Variants in RTN3 observed in about 807,000 individuals in gnomAD.
The protein encoded by RTN3 is reticulon 3.
In RTN3, 49 loss-of-function variants were observed where a neutral mutation model predicts 77.8. That is an observed-to-expected ratio of 0.63 (90% CI 0.50 to 0.80). The LOEUF (loss-of-function observed/expected upper bound fraction) is 0.80, where lower values mean the gene tolerates loss of function less well. Among genes scored for constraint, RTN3 ranks in the 30% least tolerant of loss-of-function variants. The pLI, the probability that RTN3 is intolerant of heterozygous loss-of-function variation, is 0.00. For missense variants in RTN3, 1,236 were observed against 1,211.9 expected, an observed-to-expected ratio of 1.02 and a Z score of -0.29; for synonymous variants, 464 against 446.9, an observed-to-expected ratio of 1.04 and a Z score of -0.48.
At chr11:63,703,104 T>A (rs896378298) in intron 1 of RTN3, among the ~76,000 whole-genome samples, 6 of 152,018 alleles carry the variant, frequency 3.9e-5, no homozygotes, top group Non-Finnish European at 7.4e-5. Flanking sequence ...AATATTTTTT[T>A]AAAAAACAAC....
intron 3 of RTN3, among the ~76,000 whole-genome samples, chr11:63,734,602 C>T (rs1454022932): frequency 6.6e-6 from 1 of 151,642 alleles, no homozygotes; most frequent in Non-Finnish European, 1.5e-5. Flanking sequence ...CATGGTGGCA[C>T]ACACCTGTAA....
rs531469190 is a variant in RTN3 at position 63,685,419 on chromosome 11, C to A, written c.142+3641C>A. Among the ~76,000 whole-genome samples the A allele has an allele frequency of 1.1e-4, 16 of 144,938 alleles. No homozygotes were observed. In the South Asian group the frequency reaches 3.6e-3, roughly 33 times the overall value. On this transcript the variant is annotated intron_variant, in intron 1 of 8. Coordinates refer to ENST00000377819, the MANE Select transcript of RTN3 (RefSeq NM_001265589.2). ...GCTGAGACAGGAAAATCACTTGAAC[C>A]CAGGAGGCGGGAGTTGCAGTGAGCT...
chr11:63,685,510 G>T (rs1189923116), intron 1 of RTN3, among the ~76,000 whole-genome samples: 7 of 69,518 alleles, frequency 1.0e-4, no homozygotes, highest in South Asian at 5.3e-4. Flanking sequence ...AAAAAAAAAA[G>T]TTACTGCAAT....
intron 1 of RTN3, among the ~76,000 whole-genome samples, chr11:63,701,695 G>A (rs180989135): frequency 3.3e-5 from 5 of 152,098 alleles, no homozygotes; most frequent in African/African-American, 4.8e-5. Flanking sequence ...GCTTGTAATC[G>A]CAGCACTTTG....
At position 63,752,504 on chromosome 11, in the gene RTN3, A is replaced by G; in HGVS notation, c.2739-3A>G. ...GTATGACTGTTATTTCTTCTTCTGG[A>G]AGAGCCTACCTGGACGTAGACATTA... On this transcript the variant is annotated splice_polypyrimidine_tract_variant and splice_region_variant and intron_variant, in intron 4 of 8. Coordinates refer to ENST00000377819, the MANE Select transcript of RTN3 (RefSeq NM_001265589.2). The G allele has an allele frequency of 6.2e-7, 1 of 1,611,782 alleles. No homozygotes were observed. Among genetic ancestry groups the G allele is most frequent in the Non-Finnish European group, 8.5e-7 (1 of 1,178,332 alleles).
rs518453 is a variant in RTN3 at position 63,707,087 on chromosome 11, C to T, written c.199+2180C>T. 6.6e-3 allele frequency among the ~76,000 whole-genome samples: 1,009 copies of T among 151,942 alleles called. 11 individuals carry two copies. Among genetic ancestry groups the T allele is most frequent in the African/African-American group, 0.023 (954 of 41,466 alleles). On this transcript the variant is annotated intron_variant, in intron 2 of 8. Coordinates refer to ENST00000377819, the MANE Select transcript of RTN3 (RefSeq NM_001265589.2). ...CTAATTTTTGCATTTTTAGTAGAAA[C>T]GGGGTTTCACCATGTTGACCAGGCT...
rs2014554117 is a variant in RTN3, at chr11:63,759,433, A to G, written c.*1232A>G. The G allele has an allele frequency of 6.6e-6, 1 of 152,622 alleles. No homozygotes were observed. Among genetic ancestry groups the G allele is most frequent in the Admixed American group, 6.5e-5 (1 of 15,280 alleles). The allele number at this position is 152,622 out of a possible 1,614,324, so 9.5% of individuals were successfully genotyped here. A position where few individuals can be genotyped will look rare whatever the true frequency, so the allele number is the denominator to read the frequency against. On this transcript the variant is annotated 3_prime_UTR_variant, in exon 9 of 9. Transcript: ENST00000377819. ...CAGCTGCAAAAAGTAGTGGAAGGAA[A>G]TTGTCTACGTGTCTTGGAAAAATTA... is the stretch of plus-strand genomic sequence containing the variant.
At chr11:63,683,140 A>AT (rs1941156121) in intron 1 of RTN3, among the ~76,000 whole-genome samples, 1 of 151,948 alleles carries the variant, frequency 6.6e-6, no homozygotes, top group Non-Finnish European at 1.5e-5. Context: ...GCCCTGTTGG[A>AT]TTTTTTCAGT....
intron 1 of RTN3, among the ~76,000 whole-genome samples, chr11:63,683,018 C>G (rs1941147719): frequency 6.6e-6 from 1 of 151,882 alleles, no homozygotes; most frequent in African/African-American, 2.4e-5. Context: ...TTCGTTGTCT[C>G]CTTTGGCAGA....
At position 63,705,021 on chromosome 11, in the gene RTN3, A is replaced by G. The variant is rs1316614662; in HGVS notation, c.199+114A>G. 4.9e-6 allele frequency: 4 copies of G among 810,128 alleles called. No homozygotes were observed. In the African/African-American group the frequency reaches 6.8e-5, roughly 14 times the overall value. The allele number at this position is 810,128 out of a possible 1,614,324, so 50.2% of individuals were successfully genotyped here. Reference sequence around the variant, plus strand: ...TTGCCCCAAATCCCCTAAAATAAAAACTAATTACAAGCTGATTCTTTCTAT... The same window carrying G: ...TTGCCCCAAATCCCCTAAAATAAAAGCTAATTACAAGCTGATTCTTTCTAT... On this transcript the variant is annotated intron_variant, in intron 2 of 8. Coordinates refer to ENST00000377819, the MANE Select transcript of RTN3 (RefSeq NM_001265589.2).
At chr11:63,711,658 A>G (rs747908252) in intron 2 of RTN3, among the ~76,000 whole-genome samples, 3 of 152,052 alleles carry the variant, frequency 2.0e-5, no homozygotes, top group Non-Finnish European at 2.9e-5. Flanking sequence ...TCTGCCTCCC[A>G]GGTTCAAGTG....
chr11:63,717,445 G>A (rs527356714), intron 2 of RTN3, among the ~76,000 whole-genome samples: 8 of 138,332 alleles, frequency 5.8e-5, no homozygotes, highest in African/African-American at 1.1e-4. Flanking sequence ...GTGCGATGGC[G>A]TGACCTCAGC....
At position 63,759,158 on chromosome 11, in the gene RTN3, G is replaced by A. The variant is rs1217255980; in HGVS notation, c.*957G>A. The A allele has an allele frequency of 1.3e-5, 2 of 152,168 alleles. No individual in the cohort carries two copies. The highest frequency in any genetic ancestry group is 4.8e-5 in the African/African-American group (2 of 41,426). The allele number at this position is 152,168 out of a possible 1,614,324, so 9.4% of individuals were successfully genotyped here. A position where few individuals can be genotyped will look rare whatever the true frequency, so the allele number is the denominator to read the frequency against. On this transcript the variant is annotated 3_prime_UTR_variant, in exon 9 of 9. Coordinates refer to ENST00000377819, the MANE Select transcript of RTN3 (RefSeq NM_001265589.2). ...TTTTGTGATCCTATCTCAGTCTGGG[G>A]GGGAACATTCTCAAGAGGTGAAATA...
At chr11:63,742,560 C>T (rs913193008) in intron 3 of RTN3, among the ~76,000 whole-genome samples, 1 of 151,874 alleles carries the variant, frequency 6.6e-6, no homozygotes, top group Non-Finnish European at 1.5e-5. Context: ...GCAGGAGAGT[C>T]GCTTGAACCT....
intron 3 of RTN3, among the ~76,000 whole-genome samples, chr11:63,733,716 A>T (rs1035602332): frequency 6.6e-6 from 1 of 151,254 alleles, no homozygotes; most frequent in South Asian, 2.1e-4. Flanking sequence ...CCAACAAAAA[A>T]AAAAGGAAAA....
Position 63,719,929 on chromosome 11 carries a change from A to G in RTN3, c.1427A>G (p.His476Arg). ...ATVKVVLPDD[H>R]LKDEMDWQSS... The stretch of plus-strand genomic sequence containing the variant: ...GTGAAAGTGGTTTTACCTGATGACC[A>G]CCTGAAAGATGAAATGGACTGGCAG... The change falls in exon 3 of 9, where the codon CAC (histidine) becomes CGC (arginine). Residue 476 changes from histidine (H) to arginine (R), a missense_variant. His to Arg is a conservative substitution (Grantham distance 29, BLOSUM62 0). Around this residue, in one of 3 missense-constraint regions of RTN3, gnomAD observed 1,056 missense variants for 990.4 expected, o/e 1.07. Coordinates refer to ENST00000377819, the MANE Select transcript of RTN3 (RefSeq NM_001265589.2). 1 of 1,614,196 alleles carries G rather than the reference A, an allele frequency of 6.2e-7. No individual in the cohort carries two copies. Among genetic ancestry groups the G allele is most frequent in the South Asian group, 1.1e-5 (1 of 91,080 alleles).
In RTN3 at chr11:63,733,008, G is replaced by A. The variant is rs57815682; in HGVS notation, c.2530+11976G>A. Among the ~76,000 whole-genome samples, 686 of 152,208 alleles carry A rather than the reference G, an allele frequency of 4.5e-3. 16 individuals are homozygous for A. The East Asian group carries it at 0.073, about 16-fold the overall frequency. On this transcript the variant is annotated intron_variant, in intron 3 of 8. Transcript: ENST00000377819. ...TTGTTACAGGATATACAGGATACAA[G>A]GTTGTTTTAAGATTAAATAATCAGG...
At chr11:63,755,426 G>C (rs1281941502) in intron 7 of RTN3, among the ~76,000 whole-genome samples, 1 of 149,140 alleles carries the variant, frequency 6.7e-6, no homozygotes, top group South Asian at 2.1e-4. Flanking sequence ...CAGGTGGATT[G>C]CCTGAGGATG....
At chr11:63,741,346 G>A (rs2013464799) in intron 3 of RTN3, among the ~76,000 whole-genome samples, 1 of 151,494 alleles carries the variant, frequency 6.6e-6, no homozygotes, top group African/African-American at 2.4e-5. Flanking sequence ...GGGGCTACAG[G>A]CGTGTGCCAC....
Sources: allele counts gnomAD v4.1 joint callset (sites outside exome capture counted in the v4.1 genomes callset), GRCh38; gene constraint gnomAD v4.1.1; regional missense constraint gnomAD v4.1.1; transcripts MANE v1.5; gene names NCBI Gene and HGNC (gene_info 2026-07-23, HGNC 2026-07-21).